The following LLGL1 variants were observed in gnomAD, a reference collection of about 807,000 sequenced individuals.
The protein encoded by LLGL1 is lethal(2) giant larvae protein homolog 1.
In LLGL1, 58 loss-of-function variants were observed where a neutral mutation model predicts 110.6. The observed-to-expected ratio is 0.52, with a 90% CI of 0.42 to 0.65. The LOEUF (loss-of-function observed/expected upper bound fraction) is 0.65, where lower values mean the gene tolerates loss of function less well. LLGL1 is among the 30% of genes least tolerant of loss of function. LLGL1 has a pLI of 0.00. For missense variants in LLGL1, 1,229 were observed against 1,462.1 expected (o/e 0.84, Z 2.60); for synonymous variants, 674 against 607.2 (o/e 1.11, Z -1.62).
chr17:18,230,328 C>A (rs1483962559), intron 2 of LLGL1, among the ~76,000 whole-genome samples: 2 of 152,188 alleles, frequency 1.3e-5, no homozygotes, highest in Non-Finnish European at 2.9e-5. Flanking sequence ...GCGACCCTGC[C>A]ATCGTCCCAG....
intron 1 of LLGL1, among the ~76,000 whole-genome samples, chr17:18,228,163 A>G (rs1031326347): frequency 1.3e-5 from 2 of 152,250 alleles, no homozygotes; most frequent in African/African-American, 4.8e-5. Context: ...CAAAACAAAA[A>G]AGTAAAATAG....
intron 1 of LLGL1, among the ~76,000 whole-genome samples, chr17:18,227,925 AG>A (rs2047485998): frequency 6.6e-6 from 1 of 152,136 alleles, no homozygotes; most frequent in South Asian, 2.1e-4. Context: ...TCCTGAGCTT[AG>A]GGGGTGGGAG....
intron 7 of LLGL1, 34 bp from the exon 8 acceptor site, chr17:18,234,615 A>G (rs371324579): frequency 1.2e-6 from 2 of 1,613,100 alleles, no homozygotes; most frequent in Non-Finnish European, 1.7e-6. Flanking sequence ...AAGAACCACC[A>G]GTGAGTCTGG....
chr17:18,234,570 G>A, intron 7 of LLGL1, 79 bp from the exon 8 acceptor site: 10 of 1,592,866 alleles, frequency 6.3e-6, no homozygotes, highest in Non-Finnish European at 7.7e-6. Flanking sequence ...AAGGTAGAGA[G>A]CAGTGGAGGG....
chr17:18,229,534 A>G (rs1597858602), intron 1 of LLGL1, among the ~76,000 whole-genome samples: 2 of 152,096 alleles, frequency 1.3e-5, no homozygotes, highest in East Asian at 3.9e-4. Flanking sequence ...CTGTGCCTCT[A>G]AAAATGGGGT....
rs1465040339 is a variant in LLGL1, at chr17:18,233,790, C to T, written c.405C>T (p.Ser135=). 1 of 1,613,626 alleles carries T rather than the reference C, an allele frequency of 6.2e-7. No individual in the cohort carries two copies. The highest frequency in any genetic ancestry group is 1.7e-5 in the Admixed American group (1 of 60,008). The part of the protein sequence containing the change: ...PGFDGASAPL[S]LTRVTVVLLV... ...TTGTTCCCTGCAGTGCTCCGCTCAG[C>T]CTTACCCGAGTCACAGTGGTCCTGC... The change falls in exon 5 of 23, where the codon AGC becomes AGT. Residue 135 remains serine (S), a synonymous_variant. Transcript: ENST00000316843.
At chr17:18,234,474 A>G in intron 7 of LLGL1, 66 bp downstream of exon 7, 2 of 1,593,656 alleles carry the variant, frequency 1.3e-6, no homozygotes, top group South Asian at 2.2e-5. Flanking sequence ...GCCAAGCCAA[A>G]CTGGCTGAGG....
intron 7 of LLGL1, 21 bp downstream of exon 7, chr17:18,234,429 A>T (rs989918290): frequency 1.2e-6 from 2 of 1,609,100 alleles, no homozygotes; most frequent in Non-Finnish European, 8.5e-7. Flanking sequence ...GGGACACCTT[A>T]GCCAGAGGGT....
intron 1 of LLGL1, among the ~76,000 whole-genome samples, chr17:18,227,365 A>G (rs1242007728): frequency 6.7e-6 from 1 of 148,822 alleles, no homozygotes; most frequent in Non-Finnish European, 1.5e-5. Context: ...CTTCAGGGAA[A>G]GGCAGCAACA....
At chr17:18,241,174 CGAAA>C (rs1448314846) in intron 17 of LLGL1, 4 of 591,902 alleles carry the variant, frequency 6.8e-6, no homozygotes, top group Admixed American at 3.1e-5. Flanking sequence ...GGCTCTGCCT[CGAAA>C]GAACTCGAGG....
rs779111604 is a variant in LLGL1, at chr17:18,237,594, C to T, written c.1725C>T (p.Ser575=). 8 of 1,610,720 alleles carry T rather than the reference C, an allele frequency of 5.0e-6. No homozygotes were observed. The highest frequency in any genetic ancestry group is 6.8e-6 in the Non-Finnish European group (8 of 1,179,672). ...CATGGAAGGGCCACGAGCGGCTGAG[C>T]CCACGCACGGGGCCGCTGCCCTGGC... The part of the protein sequence containing the change: ...GFTWKGHERL[S]PRTGPLPWPA... Residue 575 remains serine, a synonymous_variant, in exon 14 of 23, where the codon AGC becomes AGT. Transcript: ENST00000316843.
intron 15 of LLGL1, 51 bp downstream of exon 15, chr17:18,238,265 C>G: frequency 6.2e-7 from 1 of 1,603,188 alleles, no homozygotes; most frequent in Non-Finnish European, 8.5e-7. Context: ...TGTGCCTTGG[C>G]CTGGCTCTGG....
Position 18,241,925 on chromosome 17 carries a change from C to T in LLGL1, c.2808C>T (p.Ser936=), listed in dbSNP as rs777777382. The change falls in exon 19 of 23, where the codon TCC becomes TCT. Residue 936 remains serine (S), a synonymous_variant. Transcript: ENST00000316843. The part of the protein sequence containing the change: ...LISPSEFERF[S]LSARNITEPL... ...CCCCATCAGAATTTGAACGCTTCTC[C>T]CTAAGTGCCCGGAACATCACAGAGC... The T allele has an allele frequency of 6.2e-7, 1 of 1,614,150 alleles. No homozygotes were observed. The highest frequency in any genetic ancestry group is 1.1e-5 in the South Asian group (1 of 91,084).
At chr17:18,227,401 T>C (rs2047470115) in intron 1 of LLGL1, among the ~76,000 whole-genome samples, 1 of 151,196 alleles carries the variant, frequency 6.6e-6, no homozygotes, top group Admixed American at 6.6e-5. Context: ...GTCACTTTTT[T>C]TTTTTTGAAA....
At chr17:18,225,788 C>T (rs1042214543) in intron 1 of LLGL1, 25 bp downstream of exon 1, 98 of 932,454 alleles carry the variant, frequency 1.1e-4, no homozygotes, top group Non-Finnish European at 1.2e-4. Flanking sequence ...CGGGCCCGGG[C>T]TCGGGCGGGA....
chr17:18,230,110 C>T, intron 2 of LLGL1, 72 bp downstream of exon 2: 2 of 1,222,878 alleles, frequency 1.6e-6, no homozygotes, highest in Non-Finnish European at 1.2e-6. Flanking sequence ...GCTCTGGGGT[C>T]CCAGTCTTGG....
chr17:18,234,949 GCAT>G lies in LLGL1; in HGVS notation c.1021_1023del (p.Ile341del). 6.2e-7 allele frequency: 1 copy of G among 1,614,014 alleles called. No homozygotes were observed. The highest frequency in any genetic ancestry group is 8.5e-7 in the Non-Finnish European group (1 of 1,179,978). ...TTGGTGACGCTGGACTTCACTTCCC[GCAT>G]CATCGACTTCTTCACAGTGCACAGC... is the stretch of plus-strand genomic sequence containing the variant. On this transcript the variant is annotated inframe_deletion, in exon 9 of 23. Coordinates refer to ENST00000316843, the MANE Select transcript of LLGL1 (RefSeq NM_004140.4).
intron 11 of LLGL1, chr17:18,235,807 T>C (rs2047680511): frequency 4.0e-6 from 2 of 494,964 alleles, no homozygotes. Flanking sequence ...CTGGAAAATC[T>C]GGGCTGGCCC....
intron 1 of LLGL1, among the ~76,000 whole-genome samples, chr17:18,227,107 A>G (rs1021285119): frequency 1.3e-5 from 2 of 152,102 alleles, no homozygotes; most frequent in African/African-American, 2.4e-5. Context: ...TTGAGGAGAC[A>G]CTTGTCTTGG....
Sources: gnomAD v4.1 joint callset for allele counts (sites outside exome capture counted in the v4.1 genomes callset) on GRCh38, gnomAD v4.1.1 for gene constraint, MANE v1.5 for transcripts, NCBI Gene and HGNC (gene_info 2026-07-23, HGNC 2026-07-21) for gene names.